LANCL1: variants seen among roughly 807,000 people sequenced by gnomAD.
The protein encoded by LANCL1 is LanC like glutathione S-transferase 1.
In LANCL1, 50 loss-of-function variants were observed where a neutral mutation model predicts 50.6. The observed-to-expected ratio is 0.99, with a 90% CI of 0.79 to 1.25. LANCL1 has a LOEUF of 1.25. Ranked by LOEUF, LANCL1 falls within the 50% of genes most tolerant of loss-of-function variation. The pLI is 0.00. For synonymous variants in LANCL1, 188 were observed against 178.6 expected, an observed-to-expected ratio of 1.05 and a Z score of -0.42; for missense variants, 532 against 480.7, an observed-to-expected ratio of 1.11 and a Z score of -1.00.
At position 210,471,479 on chromosome 2, in the gene LANCL1, G is replaced by A. The variant is rs111518119; in HGVS notation, c.199+480C>T. 20 of 418,886 alleles carry A rather than the reference G, an allele frequency of 4.8e-5. 1 individual carries two copies. The highest frequency in any genetic ancestry group is 3.3e-4 in the African/African-American group (16 of 48,814). 25.9% of individuals were successfully genotyped at this position (418,886 alleles called of 1,614,324 possible). ...ACCAAACAGCAATGACCATATGGGA[G>A]GATTAGTTCATGGAAGTAATACTTT... On this transcript the variant is annotated intron_variant, in intron 3 of 9. Coordinates refer to ENST00000450366, the MANE Select transcript of LANCL1 (RefSeq NM_006055.3).
intron 7 of LANCL1, among the ~76,000 whole-genome samples, chr2:210,436,979 C>T (rs1466081802): frequency 1.3e-5 from 2 of 152,112 alleles, no homozygotes; most frequent in Admixed American, 1.3e-4. Context: ...ATCTAATTCT[C>T]TGAAATGTAG....
intron 4 of LANCL1, among the ~76,000 whole-genome samples, chr2:210,446,023 G>T (rs914273439): frequency 1.3e-5 from 2 of 152,220 alleles, no homozygotes; most frequent in Non-Finnish European, 2.9e-5. Flanking sequence ...AGGGGTGGCT[G>T]TGGGCACAAC....
At chr2:210,461,972 C>T (rs1241634598) in intron 3 of LANCL1, among the ~76,000 whole-genome samples, 1 of 152,226 alleles carries the variant, frequency 6.6e-6, no homozygotes, top group Non-Finnish European at 1.5e-5. Context: ...AACACCTTAT[C>T]TGCTCATTTA....
chr2:210,434,304 C>T lies in LANCL1; in HGVS notation c.*183G>A, dbSNP rs1692844979. The T allele has an allele frequency of 1.5e-5, 8 of 546,246 alleles. No homozygotes were observed. Among genetic ancestry groups the T allele is most frequent in the Middle Eastern group, 2.7e-4 (1 of 3,696 alleles). The allele number at this position is 546,246 out of a possible 1,614,324, so 33.8% of individuals were successfully genotyped here. A position where few individuals can be genotyped will look rare whatever the true frequency, so the allele number is the denominator to read the frequency against. ...TAAAGTTAAAAGACTTCCTTGGATA[C>T]TTCTAAGTAAAAGTAAATGATAATG... On this transcript the variant is annotated 3_prime_UTR_variant, in exon 10 of 10. Coordinates refer to ENST00000450366, the MANE Select transcript of LANCL1 (RefSeq NM_006055.3).
In LANCL1 at chr2:210,460,098, T is replaced by C. The variant is rs550792505; in HGVS notation, c.200-4784A>G. On this transcript the variant is annotated intron_variant, in intron 3 of 9. Transcript: ENST00000450366. The stretch of plus-strand genomic sequence containing the variant: ...GGAGATAAAAATCTCCACAGATACA[T>C]GAATCTCTCAAAATACTTTTCTGCG... Among the ~76,000 whole-genome samples the C allele has an allele frequency of 2.6e-5, 4 of 152,312 alleles. No individual in the cohort carries two copies. The East Asian group carries it at 7.7e-4, about 29-fold the overall frequency.
intron 3 of LANCL1, among the ~76,000 whole-genome samples, chr2:210,461,966 C>A (rs1559718315): frequency 6.6e-6 from 1 of 152,208 alleles, no homozygotes; most frequent in Admixed American, 6.5e-5. Flanking sequence ...CACAAGAACA[C>A]CTTATCTGCT....
At chr2:210,445,877 G>C (rs1693309172) in intron 4 of LANCL1, among the ~76,000 whole-genome samples, 1 of 152,084 alleles carries the variant, frequency 6.6e-6, no homozygotes, top group Admixed American at 6.5e-5. Flanking sequence ...TTTTGGCCTT[G>C]TATTATCAAA....
chr2:210,443,871 A>G (rs1693226580), intron 4 of LANCL1, among the ~76,000 whole-genome samples: 2 of 152,222 alleles, frequency 1.3e-5, no homozygotes, highest in African/African-American at 4.8e-5. Context: ...GAATGATAGA[A>G]AATGGTTTTT....
chr2:210,471,856 C>T (rs1694233575), intron 3 of LANCL1, 103 bp downstream of exon 3: 1 of 831,806 alleles, frequency 1.2e-6, no homozygotes, highest in Non-Finnish European at 2.1e-6. Context: ...TATGCAGATG[C>T]AGGAAGCATT....
intron 4 of LANCL1, among the ~76,000 whole-genome samples, chr2:210,441,862 C>A (rs150959728): frequency 7.2e-5 from 11 of 152,114 alleles, no homozygotes; most frequent in African/African-American, 2.7e-4. Context: ...TGTCACCAGG[C>A]CTACTTGAAG....
rs895982747 is a variant in LANCL1, at chr2:210,434,088, A to T, written c.*399T>A. ...GAGGAAAAATATTAAAGAGAAGTGA[A>T]GTGTAATACCCAATAATAGTCACAT... On this transcript the variant is annotated 3_prime_UTR_variant, in exon 10 of 10. Transcript: ENST00000450366. 6.5e-6 allele frequency: 1 copy of T among 153,468 alleles called. No individual in the cohort carries two copies. The highest frequency in any genetic ancestry group is 2.4e-5 in the African/African-American group (1 of 41,528). 9.5% of individuals were successfully genotyped at this position (153,468 alleles called of 1,614,324 possible). A position where few individuals can be genotyped will look rare whatever the true frequency, so the allele number is the denominator to read the frequency against.
At chr2:210,457,829 T>C (rs955883426) in intron 3 of LANCL1, among the ~76,000 whole-genome samples, 27 of 152,190 alleles carry the variant, frequency 1.8e-4, no homozygotes, top group African/African-American at 5.1e-4. Flanking sequence ...AGGAGTTAGC[T>C]CTTGTGATGG....
chr2:210,476,627 A>T lies in LANCL1; in HGVS notation c.-24T>A. The T allele has an allele frequency of 7.7e-7, 1 of 1,294,204 alleles. No homozygotes were observed. The allele number at this position is 1,294,204 out of a possible 1,614,324, so 80.2% of individuals were successfully genotyped here. A position where few individuals can be genotyped will look rare whatever the true frequency, so the allele number is the denominator to read the frequency against. ...CCAGGGCCCTTAACCCACCCGGACA[A>T]AGAGGCCCCGTTTTGCAACCCCGTT... On this transcript the variant is annotated 5_prime_UTR_variant, in exon 1 of 10. In the 5' UTR this introduces an upstream ATG that the reference lacks. Transcript: ENST00000450366.
At chr2:210,476,812 G>A, upstream of LANCL1, 2 of 1,006,038 alleles carry the variant, frequency 2.0e-6, no homozygotes, top group Non-Finnish European at 2.4e-6. Flanking sequence ...CCCGAGACCC[G>A]CCCCCTTCTC....
intron 3 of LANCL1, among the ~76,000 whole-genome samples, chr2:210,466,981 G>T (rs912830008): frequency 2.0e-5 from 3 of 152,196 alleles, no homozygotes; most frequent in Admixed American, 6.5e-5. Flanking sequence ...AGGATTTCAA[G>T]ATATGAATCT....
intron 4 of LANCL1, among the ~76,000 whole-genome samples, chr2:210,454,219 TACACAC>T (rs3836055): frequency 0.013 from 1,989 of 147,632 alleles, 13 homozygotes; most frequent in Middle Eastern, 0.021. Flanking sequence ...TATGCATACA[TACACAC>T]ACACACACAC....
intron 4 of LANCL1, among the ~76,000 whole-genome samples, chr2:210,444,710 G>C (rs1693256330): frequency 6.6e-6 from 1 of 152,120 alleles, no homozygotes; most frequent in Admixed American, 6.6e-5. Context: ...CTGAGAAATA[G>C]ATAACCAAGA....
In LANCL1 at chr2:210,476,737, A is replaced by C. The variant is rs1478718076; in HGVS notation, c.-134T>G. 9.3e-7 allele frequency: 1 copy of C among 1,079,064 alleles called. No homozygotes were observed. Among genetic ancestry groups the C allele is most frequent in the Non-Finnish European group, 1.1e-6 (1 of 887,924 alleles). The allele number at this position is 1,079,064 out of a possible 1,614,324, so 66.8% of individuals were successfully genotyped here. A position where few individuals can be genotyped will look rare whatever the true frequency, so the allele number is the denominator to read the frequency against. On this transcript the variant is annotated 5_prime_UTR_variant, in exon 1 of 10. Coordinates refer to ENST00000450366, the MANE Select transcript of LANCL1 (RefSeq NM_006055.3). ...GGCCTCTCACCCCGCAGCCCCGGACAGTAACAGAAGGGCTATTTTACCGCC... is the reference window on the plus strand; with the variant it reads ...GGCCTCTCACCCCGCAGCCCCGGACCGTAACAGAAGGGCTATTTTACCGCC...
rs866748131 is a variant in LANCL1, at chr2:210,449,946, C to T, written c.407+5161G>A. On this transcript the variant is annotated intron_variant, in intron 4 of 9. Transcript: ENST00000450366. ...AGTAATTTATAGATTCAATGCTATC[C>T]CCATTAAGCTACCACTGACTTTCTT... Among the ~76,000 whole-genome samples, 5 of 152,098 alleles carry T rather than the reference C, an allele frequency of 3.3e-5. No homozygotes were observed. In the South Asian group the frequency reaches 1.0e-3, roughly 32 times the overall value.
Sources: allele counts gnomAD v4.1 joint callset (sites outside exome capture counted in the v4.1 genomes callset), GRCh38; gene constraint gnomAD v4.1.1; transcripts MANE v1.5; gene names NCBI Gene and HGNC (gene_info 2026-07-23, HGNC 2026-07-21).